Variants in ILKAP observed in about 807,000 individuals in gnomAD.
ILKAP encodes the protein integrin-linked kinase-associated serine/threonine phosphatase 2C.
A neutral mutation model predicts 49.1 loss-of-function variants in ILKAP; 11 were observed. The ratio of observed to expected loss-of-function variants is 0.22; its 90% CI spans 0.14 to 0.37. The LOEUF is 0.37. ILKAP is among the 10% of genes least tolerant of loss of function. The pLI, the probability that ILKAP is intolerant of heterozygous loss-of-function variation, is 1.00. For missense variants in ILKAP, 363 were observed against 510.8 expected (o/e 0.71, Z 2.79); for synonymous variants, 186 against 192.8 (o/e 0.96, Z 0.29).
Position 238,170,482 on chromosome 2 carries a change from C to T in ILKAP, c.*54G>A. ...ACAAAACACACAATGTGCACACACA[C>T]AAAATGAACCTTTTAAGTCAATACC... is the stretch of plus-strand genomic sequence containing the variant. On this transcript the variant is annotated 3_prime_UTR_variant, in exon 12 of 12. Coordinates refer to ENST00000254654, the MANE Select transcript of ILKAP (RefSeq NM_030768.3). 6.5e-7 allele frequency: 1 copy of T among 1,539,626 alleles called. No individual in the cohort carries two copies. Among genetic ancestry groups the T allele is most frequent in the Non-Finnish European group, 8.8e-7 (1 of 1,137,746 alleles).
At chr2:238,170,866 G>T in intron 11 of ILKAP, 77 bp downstream of exon 11, 1 of 1,460,722 alleles carries the variant, frequency 6.8e-7, no homozygotes, top group South Asian at 1.1e-5. Flanking sequence ...GGGAGGAAAT[G>T]GGGTCTCAGA....
intron 8 of ILKAP, among the ~76,000 whole-genome samples, chr2:238,182,605 T>C (rs551913170): frequency 6.6e-6 from 1 of 152,314 alleles, no homozygotes; most frequent in East Asian, 1.9e-4. Flanking sequence ...GAGTGCCAGG[T>C]AGGCCGTCCA....
intron 1 of ILKAP, 27 bp downstream of exon 1, chr2:238,203,472 G>C (rs1225564235): frequency 3.2e-6 from 4 of 1,231,414 alleles, no homozygotes; most frequent in Middle Eastern, 3.3e-4. Context: ...TCCCTTCCCT[G>C]GCCGGCCCGG....
chr2:238,203,351 G>T, intron 1 of ILKAP, 148 bp downstream of exon 1: 1 of 210,354 alleles, frequency 4.8e-6, no homozygotes, highest in Non-Finnish European at 8.8e-6. Flanking sequence ...GGCCGGACGG[G>T]GCCTGGCCAG....
chr2:238,178,449 G>A (rs987044196), intron 9 of ILKAP, among the ~76,000 whole-genome samples: 5 of 152,162 alleles, frequency 3.3e-5, no homozygotes, highest in Non-Finnish European at 7.3e-5. Context: ...TCAGCTTCCC[G>A]ATGCACTGGA....
intron 1 of ILKAP, among the ~76,000 whole-genome samples, chr2:238,195,490 C>T (rs1302899548): frequency 6.6e-6 from 1 of 152,128 alleles, no homozygotes; most frequent in Non-Finnish European, 1.5e-5. Flanking sequence ...ACTCTTTTAA[C>T]AAAAAATGTG....
At position 238,194,844 on chromosome 2, in the gene ILKAP, G is replaced by A; in HGVS notation, c.82C>T (p.Leu28Phe). The A allele has an allele frequency of 2.5e-6, 4 of 1,614,104 alleles. No individual in the cohort carries two copies. Among genetic ancestry groups the A allele is most frequent in the Non-Finnish European group, 2.5e-6 (3 of 1,179,960 alleles). Residue 28 changes from leucine (L) to phenylalanine (F), a missense_variant, in exon 2 of 12, where the codon CTC (leucine) becomes TTC (phenylalanine). Leu to Phe is a conservative substitution (Grantham distance 22, BLOSUM62 0). Coordinates refer to ENST00000254654, the MANE Select transcript of ILKAP (RefSeq NM_030768.3). ...AGKEAQKGPL[L>F]FDDLPPASST... ...CTGGCCGGAGGGAGGTCATCAAAGAGCAGGGGTCCTTTCTGAGCTTCTTTC... is the reference window on the plus strand; with the variant it reads ...CTGGCCGGAGGGAGGTCATCAAAGAACAGGGGTCCTTTCTGAGCTTCTTTC...
rs61607663 is a variant in ILKAP, at chr2:238,181,625, G to GT, written c.836+439dup. 6.0e-4 allele frequency among the ~76,000 whole-genome samples: 82 copies of GT among 135,614 alleles called. 1 individual carries two copies. The highest frequency in any genetic ancestry group is 6.4e-4 in the African/African-American group (25 of 38,932). 89.0% of individuals were successfully genotyped at this position (135,614 alleles called of 152,430 possible). Reference sequence around the variant, plus strand: ...TGAAAAGTGACAGGTTTTTTTTTTGGTTTTTTTTTTTTTTTGAGATGGAGT... The same window carrying GT: ...TGAAAAGTGACAGGTTTTTTTTTTGGTTTTTTTTTTTTTTTTGAGATGGAGT... On this transcript the variant is annotated intron_variant, in intron 9 of 11. Coordinates refer to ENST00000254654, the MANE Select transcript of ILKAP (RefSeq NM_030768.3).
At chr2:238,171,867 C>T (rs569277834) in intron 10 of ILKAP, among the ~76,000 whole-genome samples, 70 of 152,110 alleles carry the variant, frequency 4.6e-4, no homozygotes, top group Non-Finnish European at 9.1e-4. Context: ...CAGAATCAAA[C>T]CCCCCTAGAC....
chr2:238,198,702 G>A lies in ILKAP; in HGVS notation c.56-3832C>T, dbSNP rs189547976. 1.1e-4 allele frequency among the ~76,000 whole-genome samples: 17 copies of A among 152,146 alleles called. No individual in the cohort carries two copies. In the East Asian group the frequency reaches 2.7e-3, roughly 24 times the overall value. ...AGACTAAAAATGTCCATTAATCATA[G>A]TTAATCTCATCTAGAACTTTTTTTT... On this transcript the variant is annotated intron_variant, in intron 1 of 11. Coordinates refer to ENST00000254654, the MANE Select transcript of ILKAP (RefSeq NM_030768.3).
intron 3 of ILKAP, among the ~76,000 whole-genome samples, chr2:238,192,203 TA>T (rs71402770): frequency 5.5e-4 from 73 of 133,752 alleles, no homozygotes; most frequent in South Asian, 9.4e-4. Flanking sequence ...GAGACTGTCT[TA>T]AAAAAAAAAA....
Position 238,182,191 on chromosome 2 carries a change from G to A in ILKAP, c.715-5C>T. On this transcript the variant is annotated splice_region_variant and splice_polypyrimidine_tract_variant and intron_variant, in intron 8 of 11. Transcript: ENST00000254654. The stretch of plus-strand genomic sequence containing the variant: ...ATTATAACGACACAAGATTGCCTGG[G>A]AAGATGGAGATTGTAATAGTCATGA... 1 of 1,613,188 alleles carries A rather than the reference G, an allele frequency of 6.2e-7. No individual in the cohort carries two copies. The highest frequency in any genetic ancestry group is 2.2e-5 in the East Asian group (1 of 44,848).
At chr2:238,180,823 T>G (rs1159363918) in intron 9 of ILKAP, among the ~76,000 whole-genome samples, 1 of 152,152 alleles carries the variant, frequency 6.6e-6, no homozygotes, top group Non-Finnish European at 1.5e-5. Flanking sequence ...ACTGTCAGTA[T>G]CCAATTATTT....
In ILKAP at chr2:238,183,666, AGGTTG is replaced by A. The variant is rs751255968; in HGVS notation, c.696_700del (p.Asn233ArgfsTer3). The A allele has an allele frequency of 6.2e-7, 1 of 1,612,482 alleles. No homozygotes were observed. Among genetic ancestry groups the A allele is most frequent in the East Asian group, 2.2e-5 (1 of 44,876 alleles). On this transcript the variant is annotated frameshift_variant, in exon 8 of 12. Coordinates refer to ENST00000254654, the MANE Select transcript of ILKAP (RefSeq NM_030768.3). LOFTEE classifies it high-confidence loss of function. ...AGAGCCACATACCCGACTATCTCCG[AGGTTG>A]GCAATATAAAGAATGTTGTCTACAG... is the stretch of plus-strand genomic sequence containing the variant.
At chr2:238,192,411 G>A (rs1694170268) in intron 3 of ILKAP, among the ~76,000 whole-genome samples, 1 of 151,640 alleles carries the variant, frequency 6.6e-6, no homozygotes, top group Admixed American at 6.6e-5. Context: ...TTAAGAATGT[G>A]TTATCGGGCC....
chr2:238,170,684 A>G lies in ILKAP; in HGVS notation c.1039-8T>C. ...GGTCTGGATCTTTTCATCCTACCAG[A>G]TGAGAAAGGGAATGAGTGAATGGAG... On this transcript the variant is annotated splice_polypyrimidine_tract_variant and splice_region_variant and intron_variant, in intron 11 of 11. Transcript: ENST00000254654. The G allele has an allele frequency of 6.3e-7, 1 of 1,594,422 alleles. No homozygotes were observed. Among genetic ancestry groups the G allele is most frequent in the Admixed American group, 1.7e-5 (1 of 59,156 alleles).
chr2:238,203,192 G>C (rs971491287), intron 1 of ILKAP, among the ~76,000 whole-genome samples: 6 of 150,966 alleles, frequency 4.0e-5, no homozygotes, highest in Admixed American at 6.6e-5. Context: ...CCCTCGGGTC[G>C]GCCCACGCGG....
chr2:238,199,071 C>G (rs952433626), intron 1 of ILKAP, among the ~76,000 whole-genome samples: 2 of 152,118 alleles, frequency 1.3e-5, no homozygotes, highest in African/African-American at 4.8e-5. Flanking sequence ...AAGACAGAGT[C>G]ATACTCTACA....
chr2:238,194,528 T>C, intron 2 of ILKAP, 197 bp from the exon 3 acceptor site: 1 of 615,408 alleles, frequency 1.6e-6, no homozygotes, highest in Non-Finnish European at 2.9e-6. Context: ...GAAATAAAAA[T>C]CTGCCTTAAA....
Sources: gnomAD v4.1 joint callset for allele counts (sites outside exome capture counted in the v4.1 genomes callset) on GRCh38, gnomAD v4.1.1 for gene constraint, MANE v1.5 for transcripts, NCBI Gene and HGNC (gene_info 2026-07-23, HGNC 2026-07-21) for gene names.